The following TPTE2 variants were observed in gnomAD, a reference collection of about 807,000 sequenced individuals.
The protein encoded by TPTE2 is transmembrane phosphoinositide 3-phosphatase and tensin homolog 2.
Under a neutral mutation model 78.6 loss-of-function variants are expected in TPTE2, and 53 were observed. That is an observed-to-expected ratio of 0.67 (90% CI 0.54 to 0.85). The LOEUF is 0.85. TPTE2 is among the 40% of genes least tolerant of loss of function. TPTE2 has a pLI of 0.00. For missense variants in TPTE2, 461 were observed against 623.0 expected (o/e 0.74, Z 2.77); for synonymous variants, 175 against 206.2 (o/e 0.85, Z 1.30).
upstream of TPTE2, chr13:19,503,294 G>A: frequency 6.2e-7 from 1 of 1,613,058 alleles, no homozygotes; most frequent in East Asian, 2.2e-5. Context: ...GATGACAAAA[G>A]AATACAGTCA....
At chr13:19,555,557 C>A in the TPTE2 span, among the ~76,000 whole-genome samples, 2 of 152,142 alleles carry the variant, frequency 1.3e-5, no homozygotes, top group South Asian at 2.1e-4. Context: ...ACAGTACCTT[C>A]ATTAGAGTAA....
At chr13:19,505,551 T>C (rs1868953036), upstream of TPTE2, among the ~76,000 whole-genome samples, 1 of 152,130 alleles carries the variant, frequency 6.6e-6, no homozygotes, top group African/African-American at 2.4e-5. Flanking sequence ...TCACCCATCA[T>C]GGCTGTCTTT....
intron 10 of TPTE2, among the ~76,000 whole-genome samples, chr13:19,459,295 A>G (rs953581816): frequency 2.0e-5 from 3 of 152,036 alleles, no homozygotes; most frequent in African/African-American, 4.8e-5. Context: ...TAAGTTCCTC[A>G]TAGACTCTGA....
intron 1 of TPTE2, among the ~76,000 whole-genome samples, chr13:19,536,346 T>G (rs1381408425): frequency 1.3e-5 from 2 of 152,162 alleles, no homozygotes; most frequent in Non-Finnish European, 2.9e-5. Context: ...TATAATATAG[T>G]CATCATATAA....
chr13:19,452,825 A>G (rs897733988), intron 10 of TPTE2, among the ~76,000 whole-genome samples: 1 of 152,104 alleles, frequency 6.6e-6, no homozygotes, highest in African/African-American at 2.4e-5. Context: ...AAAAAGCCTT[A>G]TGCGCAAAGA....
intron 13 of TPTE2, among the ~76,000 whole-genome samples, chr13:19,439,061 G>A (rs1176743051): frequency 6.6e-6 from 1 of 152,176 alleles, no homozygotes; most frequent in African/African-American, 2.4e-5. Context: ...TCCCAAACCT[G>A]GACTGGCAGC....
At chr13:19,541,796 T>C in the TPTE2 span, among the ~76,000 whole-genome samples, 1 of 152,222 alleles carries the variant, frequency 6.6e-6, no homozygotes. Context: ...TTGCTGAATT[T>C]GCTTTACTAT....
chr13:19,426,367 A>C, intron 18 of TPTE2, 58 bp downstream of exon 21: 1 of 1,229,196 alleles, frequency 8.1e-7, no homozygotes, highest in Non-Finnish European at 1.2e-6. Context: ...AGCAAATCTG[A>C]AATAAAATCA....
At chr13:19,446,465 A>T (rs1429812591) in intron 13 of TPTE2, among the ~76,000 whole-genome samples, 1 of 152,204 alleles carries the variant, frequency 6.6e-6, no homozygotes, top group African/African-American at 2.4e-5. Context: ...ATGAAAAAAA[A>T]TACTTCCCCC....
At chr13:19,468,025 CTTTTTTTTTTTT>C (rs71092364) in intron 6 of TPTE2, among the ~76,000 whole-genome samples, 11 of 45,532 alleles carry the variant, frequency 2.4e-4, no homozygotes, top group African/African-American at 4.7e-4. Flanking sequence ...GACAGGATCT[CTTTTTTTTTTTT>C]TTTTTTTTTT....
chr13:19,560,716 G>A, the TPTE2 span: 452 of 1,490,336 alleles, frequency 3.0e-4, 1 homozygote, highest in Non-Finnish European at 3.5e-4. Flanking sequence ...TGGGCCTGTC[G>A]TCTGGGGGCC....
upstream of TPTE2, among the ~76,000 whole-genome samples, chr13:19,507,325 AC>A (rs1189653355): frequency 1.4e-5 from 2 of 145,112 alleles, no homozygotes; most frequent in African/African-American, 2.8e-5. Context: ...AAAAAAAAAA[AC>A]ACATGCAATT....
upstream of TPTE2, among the ~76,000 whole-genome samples, chr13:19,541,551 G>A (rs1871436583): frequency 6.6e-6 from 1 of 152,174 alleles, no homozygotes; most frequent in Non-Finnish European, 1.5e-5. Flanking sequence ...TAGTACTTCA[G>A]CATAAAGTAA....
chr13:19,504,674 C>G (rs1868873568), upstream of TPTE2, among the ~76,000 whole-genome samples: 3 of 151,982 alleles, frequency 2.0e-5, no homozygotes, highest in Admixed American at 2.0e-4. Flanking sequence ...CTTTTTTGCC[C>G]TGTTCCTTTT....
At chr13:19,547,644 T>C in the TPTE2 span, among the ~76,000 whole-genome samples, 2 of 151,014 alleles carry the variant, frequency 1.3e-5, no homozygotes, top group Non-Finnish European at 3.0e-5. Context: ...CATATAGAAC[T>C]ATGAAATGAA....
exon 17 of TPTE2, chr13:19,430,514 A>G: frequency 1.9e-6 from 3 of 1,611,122 alleles, no homozygotes; most frequent in South Asian, 1.1e-5. Flanking sequence ...CTTTTTCTCC[A>G]TTACTACTTG....
chr13:19,561,166 G>C, the TPTE2 span: 1 of 1,585,346 alleles, frequency 6.3e-7, no homozygotes, highest in Non-Finnish European at 8.6e-7. Context: ...CAGGAGGCTC[G>C]GGTCTCTGTC....
chr13:19,512,814 T>G lies in TPTE2; in HGVS notation c.-43-9537A>C. On this transcript the variant is annotated intron_variant, in intron 1 of 17. Transcript: ENST00000390680. ...GGCTGGTCTTGAACTCCTGACCTCG[T>G]GGTCCACCTGCCTCAGCCTCCCAAA... is the stretch of plus-strand genomic sequence containing the variant. Among the ~76,000 whole-genome samples the G allele has an allele frequency of 1.3e-5, 2 of 152,142 alleles. 1 individual carries two copies. Among genetic ancestry groups the G allele is most frequent in the Middle Eastern group, 6.3e-3 (2 of 316 alleles).
At chr13:19,531,251 A>G (rs1255232309) in intron 1 of TPTE2, among the ~76,000 whole-genome samples, 1 of 152,172 alleles carries the variant, frequency 6.6e-6, no homozygotes, top group African/African-American at 2.4e-5. Context: ...TCATCCATGG[A>G]TGAACATTTG....
Sources: allele counts gnomAD v4.1 joint callset (sites outside exome capture counted in the v4.1 genomes callset), GRCh38; gene constraint gnomAD v4.1.1; transcripts MANE v1.5; gene names NCBI Gene and HGNC (gene_info 2026-07-23, HGNC 2026-07-21).